PACSIN2: variants seen among roughly 807,000 people sequenced by gnomAD.
The protein encoded by PACSIN2 is protein kinase C and casein kinase substrate in neurons protein 2.
A neutral mutation model predicts 63.8 loss-of-function variants in PACSIN2; 25 were observed. The ratio of observed to expected loss-of-function variants is 0.39; its 90% CI spans 0.29 to 0.55. The LOEUF (loss-of-function observed/expected upper bound fraction) is 0.55, where lower values mean the gene tolerates loss of function less well. Ranked by LOEUF, PACSIN2 falls within the 20% of genes least tolerant of loss-of-function variation. The pLI is 0.62. For missense variants in PACSIN2, 518 were observed against 646.9 expected, an observed-to-expected ratio of 0.80 and a Z score of 2.16; for synonymous variants, 255 against 256.2, an observed-to-expected ratio of 1.00 and a Z score of 0.05.
chr22:42,954,627 T>G (rs1933839095), intron 1 of PACSIN2, among the ~76,000 whole-genome samples: 2 of 152,158 alleles, frequency 1.3e-5, no homozygotes, highest in Non-Finnish European at 2.9e-5. Flanking sequence ...GACTTTTTAA[T>G]TTTAGTCAAT....
chr22:42,899,777 G>GC (rs879543586), intron 2 of PACSIN2, among the ~76,000 whole-genome samples: 41 of 152,224 alleles, frequency 2.7e-4, no homozygotes, highest in African/African-American at 9.2e-4. Flanking sequence ...ACGGGGCCCA[G>GC]CAGTGCAGCG....
chr22:42,956,211 A>G (rs193272217), intron 1 of PACSIN2, among the ~76,000 whole-genome samples: 1 of 152,366 alleles, frequency 6.6e-6, no homozygotes, highest in East Asian at 1.9e-4. Context: ...CCACTGGCAC[A>G]CATTTCAAAT....
chr22:42,894,166 G>C (rs915011118), intron 2 of PACSIN2, among the ~76,000 whole-genome samples: 6 of 152,218 alleles, frequency 3.9e-5, no homozygotes, highest in Middle Eastern at 3.4e-3. Context: ...CCATTTTACA[G>C]ATGAGGAAAC....
intron 1 of PACSIN2, among the ~76,000 whole-genome samples, chr22:42,945,321 A>C (rs1601559867): frequency 6.6e-6 from 1 of 151,744 alleles, no homozygotes; most frequent in East Asian, 1.9e-4. Flanking sequence ...CCTTCTCTCA[A>C]CCTCCTCTGC....
chr22:42,957,226 T>A (rs1322466519), intron 1 of PACSIN2, among the ~76,000 whole-genome samples: 2 of 152,246 alleles, frequency 1.3e-5, no homozygotes, highest in African/African-American at 4.8e-5. Context: ...ATATTGCTTA[T>A]GTATTCCACT....
chr22:42,873,718 A>C (rs542136345), intron 10 of PACSIN2, among the ~76,000 whole-genome samples: 2 of 152,226 alleles, frequency 1.3e-5, no homozygotes, highest in Admixed American at 6.5e-5. Context: ...CAAGAGAGGG[A>C]AGAATCTGGG....
intron 1 of PACSIN2, among the ~76,000 whole-genome samples, chr22:43,005,092 A>G (rs1924009229): frequency 6.6e-6 from 1 of 152,272 alleles, no homozygotes; most frequent in Non-Finnish European, 1.5e-5. Context: ...ACTGTGTGGA[A>G]AACAAGGAGA....
chr22:42,974,395 T>C (rs1023578215), intron 1 of PACSIN2, among the ~76,000 whole-genome samples: 1 of 152,124 alleles, frequency 6.6e-6, no homozygotes, highest in Non-Finnish European at 1.5e-5. Context: ...TTGCCAATGA[T>C]TTCCATTCCC....
intron 1 of PACSIN2, among the ~76,000 whole-genome samples, chr22:42,998,854 A>G (rs2146914473): frequency 1.3e-5 from 2 of 152,174 alleles, no homozygotes; most frequent in Admixed American, 1.3e-4. Context: ...GTGGCAGAGG[A>G]GAGAAGAGAG....
intron 1 of PACSIN2, among the ~76,000 whole-genome samples, chr22:42,950,912 A>AG: frequency 2.6e-5 from 4 of 152,140 alleles, no homozygotes; most frequent in African/African-American, 9.7e-5. Context: ...CCACACCAGT[A>AG]GGTAATGTAG....
intron 1 of PACSIN2, among the ~76,000 whole-genome samples, chr22:42,994,160 C>T (rs1445952660): frequency 1.3e-5 from 2 of 152,174 alleles, no homozygotes; most frequent in African/African-American, 4.8e-5. Context: ...CAGCAAAGCC[C>T]TAGAGGGAAA....
At chr22:42,958,654 T>C (rs1405481041) in intron 1 of PACSIN2, among the ~76,000 whole-genome samples, 2 of 152,204 alleles carry the variant, frequency 1.3e-5, no homozygotes, top group Admixed American at 1.3e-4. Flanking sequence ...ACATACTATA[T>C]ACCTTGGGGG....
intron 4 of PACSIN2, among the ~76,000 whole-genome samples, chr22:42,890,746 A>G (rs1474310083): frequency 6.6e-6 from 1 of 152,188 alleles, no homozygotes; most frequent in Non-Finnish European, 1.5e-5. Flanking sequence ...TAAAGAATGC[A>G]CATAGAGCAT....
rs116068701 is a variant in PACSIN2, at chr22:42,994,434, C to T, written c.-78+20587G>A. On this transcript the variant is annotated intron_variant, in intron 1 of 10. Transcript: ENST00000263246. ...GTCCTGCGCCACAAAGACCCTCGGG[C>T]GTGCTTATGGGGACACCCCAGCCTG... 6.9e-3 allele frequency among the ~76,000 whole-genome samples: 1,053 copies of T among 152,302 alleles called. 10 individuals carry two copies. The highest frequency in any genetic ancestry group is 0.022 in the African/African-American group (927 of 41,566).
chr22:42,906,949 C>CAATGT, intron 2 of PACSIN2, among the ~76,000 whole-genome samples: 1 of 152,202 alleles, frequency 6.6e-6, no homozygotes, highest in Non-Finnish European at 1.5e-5. Flanking sequence ...AGGAAATGAG[C>CAATGT]AATGCCATGT....
chr22:42,893,033 A>C (rs1264754865), intron 3 of PACSIN2, among the ~76,000 whole-genome samples: 1 of 152,258 alleles, frequency 6.6e-6, no homozygotes, highest in Non-Finnish European at 1.5e-5. Context: ...CTTAAAATGT[A>C]AACTCAGAAA....
intron 1 of PACSIN2, among the ~76,000 whole-genome samples, chr22:42,933,021 G>A (rs1307566556): frequency 1.3e-5 from 2 of 152,242 alleles, no homozygotes; most frequent in Non-Finnish European, 2.9e-5. Flanking sequence ...ATCAAGAGTT[G>A]CTGTATCATT....
intron 1 of PACSIN2, among the ~76,000 whole-genome samples, chr22:42,992,245 G>A (rs1278297597): frequency 6.6e-6 from 1 of 152,178 alleles, no homozygotes; most frequent in Non-Finnish European, 1.5e-5. Flanking sequence ...CTACCAGAAT[G>A]GCAAAAATTA....
chr22:42,973,544 T>C (rs575211977), intron 1 of PACSIN2, among the ~76,000 whole-genome samples: 36 of 152,254 alleles, frequency 2.4e-4, no homozygotes, highest in Non-Finnish European at 3.7e-4. Context: ...AAACTCTACA[T>C]ATACACTTTG....
Sources: gnomAD v4.1 joint callset for allele counts (sites outside exome capture counted in the v4.1 genomes callset) on GRCh38, gnomAD v4.1.1 for gene constraint, MANE v1.5 for transcripts, NCBI Gene and HGNC (gene_info 2026-07-23, HGNC 2026-07-21) for gene names.